CEP85L: variants seen among roughly 807,000 people sequenced by gnomAD.
CEP85L encodes centrosomal protein of 85 kDa-like.
In CEP85L, 60 loss-of-function variants were observed where a neutral mutation model predicts 100.3. That is an observed-to-expected ratio of 0.60 (90% CI 0.49 to 0.74). The LOEUF is 0.74. Among genes scored for constraint, CEP85L ranks in the 30% least tolerant of loss-of-function variants. CEP85L has a pLI of 0.00. For missense variants in CEP85L, 973 were observed against 936.2 expected (o/e 1.04, Z -0.51); for synonymous variants, 319 against 322.7 (o/e 0.99, Z 0.12).
In CEP85L at chr6:118,541,705, A is replaced by C. The variant is rs185714504; in HGVS notation, c.1021-17785T>G. Among the ~76,000 whole-genome samples, 9 of 152,338 alleles carry C rather than the reference A, an allele frequency of 5.9e-5. No homozygotes were observed. The East Asian group carries it at 1.5e-3, about 26-fold the overall frequency. ...TCTTTAAATAAAAGCTCAGATCTACATTAAGGTAGGATTACCTCCCTCATC... is the reference window on the plus strand; with the variant it reads ...TCTTTAAATAAAAGCTCAGATCTACCTTAAGGTAGGATTACCTCCCTCATC... On this transcript the variant is annotated intron_variant, in intron 3 of 12. Transcript: ENST00000368491.
At chr6:118,596,156 TGTG>T (rs1781447943) in intron 2 of CEP85L, among the ~76,000 whole-genome samples, 1 of 152,174 alleles carries the variant, frequency 6.6e-6, no homozygotes, top group Non-Finnish European at 1.5e-5. Flanking sequence ...CTTATAGACC[TGTG>T]GTTAATGGAT....
intron 1 of CEP85L, among the ~76,000 whole-genome samples, chr6:118,701,820 C>T (rs1420587457): frequency 6.6e-6 from 1 of 151,974 alleles, no homozygotes; most frequent in African/African-American, 2.4e-5. Context: ...AACCAGTCAC[C>T]AGCAAGGGAG....
intron 2 of CEP85L, among the ~76,000 whole-genome samples, chr6:118,575,106 G>T (rs981597996): frequency 4.6e-5 from 7 of 152,092 alleles, no homozygotes; most frequent in African/African-American, 1.4e-4. Flanking sequence ...ATTTCTATTA[G>T]GAGAGGTTGA....
At chr6:118,572,771 A>T (rs1779981629) in intron 2 of CEP85L, among the ~76,000 whole-genome samples, 1 of 152,064 alleles carries the variant, frequency 6.6e-6, no homozygotes, top group South Asian at 2.1e-4. Flanking sequence ...AATCTCAATA[A>T]AAATATGAGG....
chr6:118,679,882 A>G (rs1776595805), intron 1 of CEP85L, among the ~76,000 whole-genome samples: 1 of 152,116 alleles, frequency 6.6e-6, no homozygotes, highest in African/African-American at 2.4e-5. Context: ...TCCTTGCAGA[A>G]AAAGAGGGTG....
intron 3 of CEP85L, among the ~76,000 whole-genome samples, chr6:118,531,349 C>T (rs1469111942): frequency 1.3e-5 from 2 of 151,990 alleles, no homozygotes; most frequent in Non-Finnish European, 2.9e-5. Flanking sequence ...ATACTATATA[C>T]AAAAAATCAA....
upstream of CEP85L, among the ~76,000 whole-genome samples, chr6:118,656,135 T>C (rs1040711495): frequency 1.3e-5 from 2 of 152,230 alleles, no homozygotes; most frequent in Admixed American, 6.5e-5. Flanking sequence ...GGTATATGGT[T>C]TTCTTTAGCT....
intron 1 of CEP85L, among the ~76,000 whole-genome samples, chr6:118,699,764 G>C (rs542239338): frequency 1.3e-5 from 2 of 151,968 alleles, no homozygotes; most frequent in Non-Finnish European, 2.9e-5. Flanking sequence ...GCATGATCTC[G>C]GCCCAGTGCA....
At position 118,594,063 on chromosome 6, in the gene CEP85L, C is replaced by T. The variant is rs535576004; in HGVS notation, c.233-27747G>A. Among the ~76,000 whole-genome samples, 438 of 152,254 alleles carry T rather than the reference C, an allele frequency of 2.9e-3. 3 individuals are homozygous for T. The highest frequency in any genetic ancestry group is 9.5e-3 in the African/African-American group (394 of 41,534). On this transcript the variant is annotated intron_variant, in intron 2 of 12. Transcript: ENST00000368491. ...TCTATCCCTACCACCCTGTGTACTT[C>T]GCCTATCGTAACGCTCCTAACTATT... is the stretch of plus-strand genomic sequence containing the variant.
At chr6:118,514,746 T>C (rs1161963788) in intron 4 of CEP85L, among the ~76,000 whole-genome samples, 3 of 151,654 alleles carry the variant, frequency 2.0e-5, no homozygotes, top group African/African-American at 7.3e-5. Context: ...GGAAAACCTG[T>C]GCTAAAAATA....
At chr6:118,656,665 T>G (rs1449556873), upstream of CEP85L, 1 of 152,244 alleles carries the variant, frequency 6.6e-6, no homozygotes, top group Non-Finnish European at 1.5e-5. Context: ...GTACATATTT[T>G]GGGCATATAT....
chr6:118,491,659 T>C, intron 6 of CEP85L, 27 bp downstream of exon 6: 6 of 1,599,394 alleles, frequency 3.8e-6, no homozygotes, highest in Non-Finnish European at 5.1e-6. Context: ...GTTGTTGACC[T>C]AATTCAACTT....
At chr6:118,583,570 A>G (rs1217112966) in intron 2 of CEP85L, among the ~76,000 whole-genome samples, 1 of 152,164 alleles carries the variant, frequency 6.6e-6, no homozygotes, top group Non-Finnish European at 1.5e-5. Flanking sequence ...GGAAGCTAAC[A>G]TTAATGTGGA....
At chr6:118,545,646 T>C (rs1778157528) in intron 3 of CEP85L, among the ~76,000 whole-genome samples, 2 of 152,078 alleles carry the variant, frequency 1.3e-5, no homozygotes, top group African/African-American at 2.4e-5. Flanking sequence ...TACAAAACTA[T>C]ATAAAAACAA....
chr6:118,462,802 G>C lies in CEP85L; in HGVS notation c.*2603C>G, dbSNP rs951597764. 1 of 151,966 alleles carries C rather than the reference G, an allele frequency of 6.6e-6. No homozygotes were observed. Among genetic ancestry groups the C allele is most frequent in the African/African-American group, 2.4e-5 (1 of 41,514 alleles). The allele number at this position is 151,966 out of a possible 1,614,324, so 9.4% of individuals were successfully genotyped here. The stretch of plus-strand genomic sequence containing the variant: ...TACAGAAGAGGATATTCTAATACAA[G>C]AGGGTGTCCTGGGAAAGGAAAATTT... On this transcript the variant is annotated 3_prime_UTR_variant, in exon 13 of 13. Transcript: ENST00000368491.
At chr6:118,639,714 T>C (rs1291002707) in intron 1 of CEP85L, among the ~76,000 whole-genome samples, 3 of 152,204 alleles carry the variant, frequency 2.0e-5, no homozygotes, top group Non-Finnish European at 2.9e-5. Context: ...CTTTTTTTAG[T>C]GTCCAGTACC....
intron 1 of CEP85L, among the ~76,000 whole-genome samples, chr6:118,683,395 T>G (rs1215191838): frequency 6.6e-6 from 1 of 152,172 alleles, no homozygotes; most frequent in Non-Finnish European, 1.5e-5. Flanking sequence ...CCATAAACAT[T>G]TTTATATAAA....
chr6:118,603,592 A>G (rs909930932), intron 2 of CEP85L, among the ~76,000 whole-genome samples: 1 of 152,248 alleles, frequency 6.6e-6, no homozygotes, highest in African/African-American at 2.4e-5. Flanking sequence ...TAAAAGCTGT[A>G]AAAAGCTCAA....
At chr6:118,602,158 C>T (rs1781820558) in intron 2 of CEP85L, among the ~76,000 whole-genome samples, 1 of 152,128 alleles carries the variant, frequency 6.6e-6, no homozygotes, top group African/African-American at 2.4e-5. Context: ...GATATTCCTG[C>T]CTAAGTATGA....
Sources: gnomAD v4.1 joint callset for allele counts (sites outside exome capture counted in the v4.1 genomes callset) on GRCh38, gnomAD v4.1.1 for gene constraint, MANE v1.5 for transcripts, NCBI Gene and HGNC (gene_info 2026-07-23, HGNC 2026-07-21) for gene names.